BPIFB3: variants seen among roughly 807,000 people sequenced by gnomAD.
The protein encoded by BPIFB3 is BPI fold containing family B member 3, also known as BPI fold-containing family B member 3.
A neutral mutation model predicts 53.1 loss-of-function variants in BPIFB3; 49 were observed. The observed-to-expected ratio is 0.92, with a 90% CI of 0.73 to 1.17. The LOEUF (loss-of-function observed/expected upper bound fraction) is 1.17, where lower values mean the gene tolerates loss of function less well. BPIFB3 is among the 50% of genes most tolerant of loss of function. BPIFB3 has a pLI of 0.00. For synonymous variants in BPIFB3, 271 were observed against 269.6 expected (o/e 1.01, Z -0.05); for missense variants, 628 against 592.5 (o/e 1.06, Z -0.62).
exon 3 of BPIFB3, chr20:33,059,389 A>G (rs1980346800): frequency 6.2e-7 from 1 of 1,611,100 alleles, no homozygotes; most frequent in African/African-American, 1.3e-5. Context: ...CTGAAGATTG[A>G]GGAGCTCACG....
chr20:33,061,877 G>A (rs1205514352), intron 5 of BPIFB3, 46 bp downstream of exon 6: 50 of 1,603,650 alleles, frequency 3.1e-5, no homozygotes, highest in Non-Finnish European at 4.1e-5. Context: ...CCAGGACTGG[G>A]CCTCTTTCCC....
intron 2 of BPIFB3, 106 bp downstream of exon 3, chr20:33,056,804 GT>G: frequency 7.3e-7 from 1 of 1,366,670 alleles, no homozygotes; most frequent in Non-Finnish European, 9.7e-7. Context: ...TGAAGGTTGT[GT>G]GGGAGGGTTG....
At position 33,066,893 on chromosome 20, in the gene BPIFB3, A is replaced by G. The variant is rs55668794; in HGVS notation, c.978+16A>G. ...GCTCCCTGAGGTGAGTGACGCTCTC[A>G]TGGGTTTTGATCATTGTAGCTCTTT... On this transcript the variant is annotated intron_variant, in intron 9 of 14. Transcript: ENST00000375494. 0.019 allele frequency: 31,442 copies of G among 1,612,418 alleles called. 419 individuals carry two copies. The highest frequency in any genetic ancestry group is 0.024 in the Non-Finnish European group (27,730 of 1,178,454).
intron 4 of BPIFB3, among the ~76,000 whole-genome samples, chr20:33,060,789 TC>T (rs2146383213): frequency 6.6e-6 from 1 of 152,286 alleles, no homozygotes; most frequent in East Asian, 1.9e-4. Flanking sequence ...GGTCTCGAAC[TC>T]CTGACCTCAA....
At chr20:33,073,069 T>C (rs1035710767) in intron 14 of BPIFB3, among the ~76,000 whole-genome samples, 2 of 152,242 alleles carry the variant, frequency 1.3e-5, no homozygotes, top group Non-Finnish European at 2.9e-5. Flanking sequence ...GCCTCTAGAA[T>C]GGAACCTAAG....
At position 33,066,887 on chromosome 20, in the gene BPIFB3, G is replaced by A. The variant is rs770964375; in HGVS notation, c.978+10G>A. ...AGCTTTGCTCCCTGAGGTGAGTGAC[G>A]CTCTCATGGGTTTTGATCATTGTAG... On this transcript the variant is annotated intron_variant, in intron 9 of 14. Coordinates refer to ENST00000375494, the Ensembl canonical transcript of BPIFB3. 37 of 1,613,166 alleles carry A rather than the reference G, an allele frequency of 2.3e-5. No individual in the cohort carries two copies. Among genetic ancestry groups the A allele is most frequent in the Admixed American group, 5.0e-5 (3 of 60,004 alleles).
intron 8 of BPIFB3, among the ~76,000 whole-genome samples, chr20:33,066,556 T>C (rs1980678808): frequency 1.3e-5 from 2 of 152,150 alleles, no homozygotes; most frequent in Admixed American, 1.3e-4. Flanking sequence ...TCTCCATCTG[T>C]TAAATGAGGG....
At chr20:33,055,540 C>T (rs763851993) in exon 1 of BPIFB3, 6 of 1,613,562 alleles carry the variant, frequency 3.7e-6, no homozygotes, top group South Asian at 1.1e-5. Context: ...AGGATGAACT[C>T]GGCAAAGGTG....
intron 2 of BPIFB3, 149 bp downstream of exon 3, chr20:33,056,847 C>A (rs1383003159): frequency 2.0e-6 from 2 of 1,001,480 alleles, no homozygotes; most frequent in East Asian, 2.8e-5. Context: ...GACTCTACTG[C>A]ATGCCTGGCA....
At chr20:33,056,617 T>A in exon 2 of BPIFB3, 1 of 1,613,948 alleles carries the variant, frequency 6.2e-7, no homozygotes, top group Non-Finnish European at 8.5e-7. Flanking sequence ...AACCGGGGCC[T>A]CTTGGGCTCA....
At chr20:33,069,769 C>A in intron 10 of BPIFB3, 119 bp from the exon 12 acceptor site, 3 of 1,001,312 alleles carry the variant, frequency 3.0e-6, no homozygotes, top group Middle Eastern at 2.9e-4. Context: ...CAGCACAGAC[C>A]CTGACACACA....
At chr20:33,065,038 C>T (rs1311261363) in intron 8 of BPIFB3, among the ~76,000 whole-genome samples, 193 bp downstream of exon 9, 2 of 152,182 alleles carry the variant, frequency 1.3e-5, no homozygotes, top group African/African-American at 2.4e-5. Flanking sequence ...GCTAATCGAT[C>T]GTGGTCCTCT....
In BPIFB3 at chr20:33,059,844, G is replaced by A. The variant is rs377671895; in HGVS notation, c.387-47G>A. On this transcript the variant is annotated intron_variant, in intron 3 of 14. Transcript: ENST00000375494. ...GGCCACCCTGGTGGGCGGGGCCAAG[G>A]GTGGGAGCTGGCTGCCTGGCCACAC... 8.1e-5 allele frequency: 129 copies of A among 1,600,636 alleles called. No homozygotes were observed. In the African/African-American group the frequency reaches 1.4e-3, roughly 17 times the overall value.
chr20:33,073,478 G>C (rs1438027239), intron 14 of BPIFB3, 98 bp from the exon 16 acceptor site: 1 of 1,308,900 alleles, frequency 7.6e-7, no homozygotes, highest in African/African-American at 1.5e-5. Context: ...TGTGTTCCAG[G>C]TACAGGGCCA....
chr20:33,066,078 G>T (rs1980660299), intron 8 of BPIFB3, among the ~76,000 whole-genome samples: 1 of 152,222 alleles, frequency 6.6e-6, no homozygotes, highest in South Asian at 2.1e-4. Context: ...TCGTCCTGGT[G>T]CTGCATGTAT....
chr20:33,072,748 G>A (rs951459130), exon 14 of BPIFB3: 3 of 1,613,738 alleles, frequency 1.9e-6, no homozygotes, highest in Admixed American at 3.3e-5. Context: ...CCCTGCCTAA[G>A]GTTCTTAATA....
At chr20:33,058,123 C>T (rs1039320998) in intron 2 of BPIFB3, among the ~76,000 whole-genome samples, 3 of 152,140 alleles carry the variant, frequency 2.0e-5, no homozygotes, top group Non-Finnish European at 4.4e-5. Flanking sequence ...GGAAACCAGT[C>T]TATGGCTGGT....
Position 33,070,073 on chromosome 20 carries a change from C to A in BPIFB3, c.1217+118C>A. On this transcript the variant is annotated intron_variant, in intron 11 of 14. Transcript: ENST00000375494. ...AGCGCAATTCCAGGTGTTTTTCCAG[C>A]ATCCTCCTTGCCTTCAGGACCCGCC... The A allele has an allele frequency of 2.5e-6, 3 of 1,211,836 alleles. No homozygotes were observed. In the South Asian group the frequency reaches 3.7e-5, roughly 15 times the overall value. 75.1% of individuals were successfully genotyped at this position (1,211,836 alleles called of 1,614,324 possible). A position where few individuals can be genotyped will look rare whatever the true frequency, so the allele number is the denominator to read the frequency against.
At chr20:33,059,217 T>G (rs534947897) in intron 2 of BPIFB3, among the ~76,000 whole-genome samples, 161 bp from the exon 4 acceptor site, 2 of 151,932 alleles carry the variant, frequency 1.3e-5, no homozygotes, top group Middle Eastern at 6.3e-3. Flanking sequence ...ACTTTACAGA[T>G]AAGGAAACTA....
Sources: allele counts gnomAD v4.1 joint callset (sites outside exome capture counted in the v4.1 genomes callset), GRCh38; gene constraint gnomAD v4.1.1; transcripts MANE v1.5; gene names NCBI Gene and HGNC (gene_info 2026-07-23, HGNC 2026-07-21).